Variants in NEO1 observed in about 807,000 individuals in gnomAD.
The protein encoded by NEO1 is neogenin 1.
A neutral mutation model predicts 159.7 loss-of-function variants in NEO1; 63 were observed. That is an observed-to-expected ratio of 0.39 (90% CI 0.32 to 0.49). The LOEUF is 0.49. Ranked by LOEUF, NEO1 falls within the 20% of genes least tolerant of loss-of-function variation. The probability of loss-of-function intolerance (pLI) is 0.85; values close to 1 mark genes in which losing one functional copy is unlikely to be tolerated. For missense variants in NEO1, 1,615 were observed against 1,831.0 expected, an observed-to-expected ratio of 0.88 and a Z score of 2.15; for synonymous variants, 633 against 662.0, an observed-to-expected ratio of 0.96 and a Z score of 0.67.
Position 73,249,043 on chromosome 15 carries a change from C to T in NEO1, c.1607-17C>T, listed in dbSNP as rs754865911. The T allele has an allele frequency of 1.6e-5, 26 of 1,612,596 alleles. No individual in the cohort carries two copies. In the East Asian group the frequency reaches 3.6e-4, roughly 22 times the overall value. On this transcript the variant is annotated splice_polypyrimidine_tract_variant and intron_variant, in intron 9 of 28. Coordinates refer to ENST00000261908, the MANE Select transcript of NEO1 (RefSeq NM_002499.4). ...GCATTTCATTTATATCTTGCTTTCT[C>T]GAACTTTTCTTTCTAGTTCAGCTCC...
chr15:73,129,976 A>G (rs940956753), intron 4 of NEO1, among the ~76,000 whole-genome samples: 1 of 152,146 alleles, frequency 6.6e-6, no homozygotes, highest in Non-Finnish European at 1.5e-5. Flanking sequence ...TTGAGACCCA[A>G]GGAACAGCAT....
intron 11 of NEO1, among the ~76,000 whole-genome samples, chr15:73,252,625 T>C (rs2040135459): frequency 6.6e-6 from 1 of 152,200 alleles, no homozygotes; most frequent in African/African-American, 2.4e-5. Context: ...ATCATGTCAT[T>C]ACCCAGTTCA....
intron 5 of NEO1, among the ~76,000 whole-genome samples, chr15:73,158,542 G>A (rs1002120104): frequency 2.0e-5 from 3 of 151,412 alleles, no homozygotes; most frequent in Non-Finnish European, 4.4e-5. Context: ...GGACCACTAC[G>A]ACACCCAGCT....
At chr15:73,289,431 G>T (rs550337937) in intron 25 of NEO1, among the ~76,000 whole-genome samples, 193 bp downstream of exon 25, 1 of 152,250 alleles carries the variant, frequency 6.6e-6, no homozygotes, top group African/African-American at 2.4e-5. Context: ...GGCTAGCGTC[G>T]TTATGTTTAT....
chr15:73,113,935 C>A (rs2071146449), intron 1 of NEO1, among the ~76,000 whole-genome samples: 1 of 151,912 alleles, frequency 6.6e-6, no homozygotes, highest in African/African-American at 2.4e-5. Flanking sequence ...CTCTTTTGAC[C>A]TATGGAATTC....
chr15:73,282,654 G>A (rs959646044), intron 22 of NEO1, among the ~76,000 whole-genome samples: 4 of 152,194 alleles, frequency 2.6e-5, no homozygotes, highest in Non-Finnish European at 4.4e-5. Flanking sequence ...AGAGAGCCAA[G>A]ACTCTTTATC....
At chr15:73,110,830 C>G (rs796377461) in intron 1 of NEO1, among the ~76,000 whole-genome samples, 5 of 152,068 alleles carry the variant, frequency 3.3e-5, no homozygotes, top group African/African-American at 1.2e-4. Context: ...AAGTATAAGC[C>G]AGTTTTTATA....
At chr15:73,204,257 G>GTCT (rs1159042343) in intron 7 of NEO1, among the ~76,000 whole-genome samples, 1 of 151,546 alleles carries the variant, frequency 6.6e-6, no homozygotes, top group Non-Finnish European at 1.5e-5. Flanking sequence ...TTTTCGCTTT[G>GTCT]TCTTTGGTTT....
intron 16 of NEO1, among the ~76,000 whole-genome samples, chr15:73,269,111 C>G (rs919256096): frequency 6.6e-6 from 1 of 152,056 alleles, no homozygotes; most frequent in African/African-American, 2.4e-5. Context: ...GCCATTAGAC[C>G]CAGGACATCA....
At chr15:73,169,283 G>T (rs922842755) in intron 5 of NEO1, among the ~76,000 whole-genome samples, 1 of 152,102 alleles carries the variant, frequency 6.6e-6, no homozygotes, top group Non-Finnish European at 1.5e-5. Context: ...CTGAAATGAT[G>T]ATGGCATTTG....
intron 5 of NEO1, among the ~76,000 whole-genome samples, chr15:73,166,792 G>C (rs932731371): frequency 6.6e-6 from 1 of 152,124 alleles, no homozygotes; most frequent in Non-Finnish European, 1.5e-5. Context: ...AAGATATTCA[G>C]TCCTCAGTTC....
intron 1 of NEO1, among the ~76,000 whole-genome samples, chr15:73,055,628 T>G (rs1022223956): frequency 6.6e-6 from 1 of 152,192 alleles, no homozygotes; most frequent in African/African-American, 2.4e-5. Flanking sequence ...CACTTGCCAC[T>G]CGGTACCTTC....
In NEO1 at chr15:73,284,780, G is replaced by A. The variant is rs191315340; in HGVS notation, c.3410+1669G>A. ...TTTGTATTTTTTAAGTAGAGATGGG[G>A]TTTCACCATGTTGGCCAGGCTGGTC... On this transcript the variant is annotated intron_variant, in intron 23 of 28. Transcript: ENST00000261908. Among the ~76,000 whole-genome samples, 15 of 151,714 alleles carry A rather than the reference G, an allele frequency of 9.9e-5. No individual in the cohort carries two copies. The East Asian group carries it at 2.9e-3, about 30-fold the overall frequency.
intron 7 of NEO1, among the ~76,000 whole-genome samples, chr15:73,183,232 G>A (rs141639204): frequency 6.6e-6 from 1 of 152,198 alleles, no homozygotes; most frequent in South Asian, 2.1e-4. Flanking sequence ...AGGCCTTTGT[G>A]CCTGGGAGAC....
intron 22 of NEO1, among the ~76,000 whole-genome samples, chr15:73,282,266 G>A (rs1004682914): frequency 1.3e-5 from 2 of 152,068 alleles, no homozygotes; most frequent in African/African-American, 2.4e-5. Context: ...CACACCGTTA[G>A]TTATTAACTA....
In NEO1 at chr15:73,126,428, A is replaced by T; in HGVS notation, c.736A>T (p.Ile246Leu). 1 of 1,591,406 alleles carries T rather than the reference A, an allele frequency of 6.3e-7. No homozygotes were observed. The change falls in exon 4 of 29, where the codon ATA becomes TTA. Residue 246 changes from isoleucine to leucine, a missense_variant. Transcript: ENST00000261908. The stretch of plus-strand genomic sequence containing the variant: ...TTTTTTTTTTTTAGATCCTGAGGTG[A>T]TATCAGACTTGGTATTTTTGAAACA... Reference protein sequence around the residue: ...ELKVLPDPEVISDLVFLKQPS... With the variant: ...ELKVLPDPEVLSDLVFLKQPS...
chr15:73,100,857 C>T (rs1410291788), intron 1 of NEO1, among the ~76,000 whole-genome samples: 1 of 152,142 alleles, frequency 6.6e-6, no homozygotes, highest in Admixed American at 6.6e-5. Flanking sequence ...ACAGCTATTT[C>T]AGATGTTTTC....
intron 8 of NEO1, among the ~76,000 whole-genome samples, chr15:73,242,978 C>T (rs140605825): frequency 1.6e-4 from 24 of 152,294 alleles, no homozygotes; most frequent in Middle Eastern, 6.8e-3. Context: ...AGGGATCATC[C>T]ATGATCAGAC....
rs576925871 is a variant in NEO1, at chr15:73,281,100, C to T, written c.3263-1864C>T. Among the ~76,000 whole-genome samples the T allele has an allele frequency of 5.9e-4, 88 of 147,952 alleles. 1 individual carries two copies. In the South Asian group the frequency reaches 0.016, roughly 27 times the overall value. On this transcript the variant is annotated intron_variant, in intron 22 of 28. Transcript: ENST00000261908. ...GCGGGCGCCTGTAGTCCCAGCTACT[C>T]GGGAGGCTAAGGCAGGAGAATGGCA...
Sources: gnomAD v4.1 joint callset for allele counts (sites outside exome capture counted in the v4.1 genomes callset) on GRCh38, gnomAD v4.1.1 for gene constraint, MANE v1.5 for transcripts, NCBI Gene and HGNC (gene_info 2026-07-23, HGNC 2026-07-21) for gene names.